HSPA12A: variants seen among roughly 807,000 people sequenced by gnomAD.
The protein encoded by HSPA12A is heat shock protein family A (Hsp70) member 12A.
A neutral mutation model predicts 69.2 loss-of-function variants in HSPA12A; 28 were observed. The ratio of observed to expected loss-of-function variants is 0.40; its 90% CI spans 0.30 to 0.55. HSPA12A has a LOEUF of 0.55. HSPA12A is among the 20% of genes least tolerant of loss of function. The pLI is 0.38. For synonymous variants in HSPA12A, 345 were observed against 370.5 expected (o/e 0.93, Z 0.79); for missense variants, 686 against 900.7 (o/e 0.76, Z 3.05).
rs1849124039 is a variant in HSPA12A, at chr10:116,672,881, A to G, written c.*1900T>C. On this transcript the variant is annotated 3_prime_UTR_variant, in exon 12 of 12. Transcript: ENST00000369209. ...GGATACACAATCCTGCTACTAAGTTATGTGACTAACCAGCACACTCTAAGT... is the reference window on the plus strand; with the variant it reads ...GGATACACAATCCTGCTACTAAGTTGTGTGACTAACCAGCACACTCTAAGT... 1 of 152,668 alleles carries G rather than the reference A, an allele frequency of 6.6e-6. No homozygotes were observed. Among genetic ancestry groups the G allele is most frequent in the Non-Finnish European group, 1.5e-5 (1 of 68,046 alleles). The allele number at this position is 152,668 out of a possible 1,614,324, so 9.5% of individuals were successfully genotyped here. A position where few individuals can be genotyped will look rare whatever the true frequency, so the allele number is the denominator to read the frequency against.
rs1180577739 is a variant in HSPA12A at position 116,723,367 on chromosome 10, C to T, written c.41-16082G>A. On this transcript the variant is annotated intron_variant, in intron 1 of 11. Coordinates refer to ENST00000369209, the MANE Select transcript of HSPA12A (RefSeq NM_025015.3). The surrounding 1 kb of genome is among the most constrained non-coding windows in gnomAD (Gnocchi z 4.1). ...GACCTTCACGTGGGAGGATTTGACC[C>T]TCATGCTGCCCTCCAAATAGGCACA... is the stretch of plus-strand genomic sequence containing the variant. Among the ~76,000 whole-genome samples the T allele has an allele frequency of 1.3e-5, 2 of 152,164 alleles. No individual in the cohort carries two copies. Among genetic ancestry groups the T allele is most frequent in the African/African-American group, 2.4e-5 (1 of 41,440 alleles).
intron 5 of HSPA12A, among the ~76,000 whole-genome samples, chr10:116,694,764 A>C (rs550163259): frequency 6.6e-6 from 1 of 152,128 alleles, no homozygotes; most frequent in East Asian, 1.9e-4. Flanking sequence ...CCAGGCGCTG[A>C]GCCTGTCCCT....
chr10:116,675,575 G>C lies in HSPA12A; in HGVS notation c.1391-157C>G, dbSNP rs892641222. Among the ~76,000 whole-genome samples, 36 of 152,304 alleles carry C rather than the reference G, an allele frequency of 2.4e-4. No individual in the cohort carries two copies. The highest frequency in any genetic ancestry group is 8.4e-4 in the African/African-American group (35 of 41,568). On this transcript the variant is annotated intron_variant, in intron 11 of 11. Coordinates refer to ENST00000369209, the MANE Select transcript of HSPA12A (RefSeq NM_025015.3). This position sits in a 1 kb window ranked among gnomAD's most constrained non-coding sequence, Gnocchi z 5.2. Reference sequence around the variant, plus strand: ...CCTTGAACAGAATCTTTGCAGAACTGGTCTTTTAAAGAAAGGGAGTTTGCA... The same window carrying C: ...CCTTGAACAGAATCTTTGCAGAACTCGTCTTTTAAAGAAAGGGAGTTTGCA...
At chr10:116,699,596 G>A (rs1850021240) in intron 4 of HSPA12A, among the ~76,000 whole-genome samples, 1 of 152,182 alleles carries the variant, frequency 6.6e-6, no homozygotes, top group East Asian at 1.9e-4. Flanking sequence ...GCCATGTGGA[G>A]CCCGTCTGTG....
At chr10:116,762,530 G>A (rs1843993486) in intron 2 of HSPA12A, among the ~76,000 whole-genome samples, 1 of 151,868 alleles carries the variant, frequency 6.6e-6, no homozygotes, top group Non-Finnish European at 1.5e-5. Flanking sequence ...TTTCCACACT[G>A]CCTGGAAAAC....
intron 2 of HSPA12A, among the ~76,000 whole-genome samples, chr10:116,814,947 G>C (rs1303863909): frequency 6.6e-6 from 1 of 152,118 alleles, no homozygotes; most frequent in Non-Finnish European, 1.5e-5. Context: ...CCATCAGATG[G>C]AGAGCAGACA....
chr10:116,743,101 G>C (rs1851569059), upstream of HSPA12A, among the ~76,000 whole-genome samples: 1 of 77,640 alleles, frequency 1.3e-5, no homozygotes, highest in African/African-American at 4.9e-5. Flanking sequence ...GGACCTGCGC[G>C]GGGGCCGAGC....
At chr10:116,705,877 A>G (rs1554882317) in intron 2 of HSPA12A, among the ~76,000 whole-genome samples, 2 of 147,932 alleles carry the variant, frequency 1.4e-5, no homozygotes, top group African/African-American at 5.0e-5. Flanking sequence ...CAGGTTTCCA[A>G]GCCTTTCTCT....
At chr10:116,804,641 G>A (rs2099303065) in intron 2 of HSPA12A, among the ~76,000 whole-genome samples, 1 of 152,140 alleles carries the variant, frequency 6.6e-6, no homozygotes, top group African/African-American at 2.4e-5. Context: ...AAAATCAAGT[G>A]CATGTGTAGG....
chr10:116,737,299 T>C (rs1434510155), intron 1 of HSPA12A, among the ~76,000 whole-genome samples: 1 of 152,212 alleles, frequency 6.6e-6, no homozygotes, highest in African/African-American at 2.4e-5. Flanking sequence ...ACCAGGCTCA[T>C]ACCTAAGCTC....
At chr10:116,701,506 G>T (rs551405383) in intron 3 of HSPA12A, among the ~76,000 whole-genome samples, 1 of 152,366 alleles carries the variant, frequency 6.6e-6, no homozygotes, top group South Asian at 2.1e-4. Context: ...TATACTGCTA[G>T]CTTGAATCCT....
At chr10:116,790,316 G>T (rs1285018885) in intron 2 of HSPA12A, among the ~76,000 whole-genome samples, 1 of 151,876 alleles carries the variant, frequency 6.6e-6, no homozygotes, top group Non-Finnish European at 1.5e-5. Flanking sequence ...TGTTAGCCAG[G>T]ATGGTCTCTA....
intron 2 of HSPA12A, among the ~76,000 whole-genome samples, chr10:116,775,033 G>A (rs559127409): frequency 9.9e-5 from 15 of 152,274 alleles, no homozygotes; most frequent in African/African-American, 3.4e-4. Flanking sequence ...GCTCCCTCCC[G>A]CCCATCCTGT....
At chr10:116,775,400 T>C (rs893449504) in intron 2 of HSPA12A, among the ~76,000 whole-genome samples, 4 of 152,126 alleles carry the variant, frequency 2.6e-5, no homozygotes, top group African/African-American at 7.2e-5. Flanking sequence ...TAGAGAGCCC[T>C]GGGGAGGACG....
intron 7 of HSPA12A, among the ~76,000 whole-genome samples, chr10:116,682,187 TGAAA>T (rs1849427208): frequency 1.3e-5 from 2 of 152,104 alleles, no homozygotes; most frequent in African/African-American, 4.8e-5. Context: ...TGAAAAAAAC[TGAAA>T]GAAGAGAATG....
At chr10:116,829,082 C>T (rs971230052) in intron 2 of HSPA12A, 1 of 152,184 alleles carries the variant, frequency 6.6e-6, no homozygotes, top group Admixed American at 6.5e-5. Flanking sequence ...ACCCAAATCT[C>T]ACCTTGAATT....
chr10:116,845,462 A>G (rs1188775161), intron 1 of HSPA12A, among the ~76,000 whole-genome samples: 1 of 152,106 alleles, frequency 6.6e-6, no homozygotes, highest in African/African-American at 2.4e-5. Flanking sequence ...ACGCCTTCCA[A>G]TGCAGTTACA....
In HSPA12A at chr10:116,675,233, C is replaced by T. The variant is rs200715815; in HGVS notation, c.1576G>A (p.Ala526Thr). The change falls in exon 12 of 12, where the codon GCG (alanine) becomes ACG (threonine). Residue 526 changes from alanine to threonine, a missense_variant. Ala to Thr is a moderately conservative substitution (Grantham distance 58). Coordinates refer to ENST00000369209, the MANE Select transcript of HSPA12A (RefSeq NM_025015.3). This position sits in a 1 kb window ranked among gnomAD's most constrained non-coding sequence, Gnocchi z 5.2. The part of the protein sequence containing the change: ...KGAVLFGLDP[A>T]VIKVRRSPLT... ...GGCGACCGGCGCACCTTGATGACCG[C>T]GGGGTCCAGGCCAAAGAGGACGGCA... 7.5e-5 allele frequency: 121 copies of T among 1,613,686 alleles called. No homozygotes were observed. The African/African-American group carries it at 9.5e-4, about 13-fold the overall frequency.
intron 2 of HSPA12A, among the ~76,000 whole-genome samples, chr10:116,818,516 A>C (rs1346741258): frequency 6.6e-6 from 1 of 151,346 alleles, no homozygotes; most frequent in Non-Finnish European, 1.5e-5. Flanking sequence ...GGCCCGCCCC[A>C]TAGTCAGATC....
Sources: gnomAD v4.1 joint callset for allele counts (sites outside exome capture counted in the v4.1 genomes callset) on GRCh38, gnomAD v4.1.1 for gene constraint, Gnocchi (gnomAD v3.1) non-coding constraint, MANE v1.5 for transcripts, NCBI Gene and HGNC (gene_info 2026-07-23, HGNC 2026-07-21) for gene names.